The following NUBPL variants were observed in gnomAD, a reference collection of about 807,000 sequenced individuals.
The protein encoded by NUBPL is iron-sulfur cluster transfer protein NUBPL.
In NUBPL, 31 loss-of-function variants were observed where a neutral mutation model predicts 45.7. That is an observed-to-expected ratio of 0.68 (90% CI 0.51 to 0.92). The LOEUF is 0.92. NUBPL is among the 40% of genes least tolerant of loss of function. NUBPL has a pLI of 0.00. For missense variants in NUBPL, 401 were observed against 398.7 expected (o/e 1.01, Z -0.05); for synonymous variants, 144 against 140.9 (o/e 1.02, Z -0.15).
chr14:31,841,638 TTTAA>T (rs1315710066), intron 8 of NUBPL, among the ~76,000 whole-genome samples: 1 of 152,196 alleles, frequency 6.6e-6, no homozygotes, highest in Non-Finnish European at 1.5e-5. Context: ...TGTAGTCCAA[TTTAA>T]TTTAAATAAT....
intron 7 of NUBPL, among the ~76,000 whole-genome samples, chr14:31,822,254 G>T (rs1462068789): frequency 6.6e-6 from 1 of 151,898 alleles, no homozygotes; most frequent in Non-Finnish European, 1.5e-5. Context: ...TACATGATGT[G>T]GTTATTACAC....
At chr14:31,642,679 G>T (rs1163847099) in intron 4 of NUBPL, among the ~76,000 whole-genome samples, 3 of 151,896 alleles carry the variant, frequency 2.0e-5, no homozygotes, top group African/African-American at 7.3e-5. Context: ...GGCCTTTTGT[G>T]GTTCTGTATA....
At chr14:31,680,847 T>A (rs8008514) in intron 6 of NUBPL, among the ~76,000 whole-genome samples, 18,568 of 152,018 alleles carry the variant, frequency 0.12, 3,430 homozygotes, top group African/African-American at 0.4. Flanking sequence ...AACCATCCAA[T>A]TTTTTTTCTG....
chr14:31,702,922 G>T (rs1026799537), intron 6 of NUBPL, among the ~76,000 whole-genome samples: 1 of 152,050 alleles, frequency 6.6e-6, no homozygotes, highest in Non-Finnish European at 1.5e-5. Flanking sequence ...GCCCAATTTT[G>T]TACTACATAA....
At chr14:31,786,853 A>G (rs2039294099) in intron 6 of NUBPL, among the ~76,000 whole-genome samples, 1 of 152,204 alleles carries the variant, frequency 6.6e-6, no homozygotes, top group African/African-American at 2.4e-5. Context: ...GCAAGAGAAG[A>G]GTTTTAAACA....
At chr14:31,638,178 T>C (rs1566466029) in intron 4 of NUBPL, among the ~76,000 whole-genome samples, 1 of 152,338 alleles carries the variant, frequency 6.6e-6, no homozygotes, top group East Asian at 1.9e-4. Flanking sequence ...AATTTCTTCC[T>C]AGTCTCGATG....
chr14:31,748,144 C>A (rs564719714), intron 6 of NUBPL, among the ~76,000 whole-genome samples: 1 of 152,088 alleles, frequency 6.6e-6, no homozygotes, highest in South Asian at 2.1e-4. Flanking sequence ...TAGTTTTATT[C>A]CGTTGTGATC....
intron 6 of NUBPL, among the ~76,000 whole-genome samples, chr14:31,685,826 T>TA (rs1246930321): frequency 6.6e-6 from 1 of 152,204 alleles, no homozygotes; most frequent in African/African-American, 2.4e-5. Flanking sequence ...GCACAGTTTT[T>TA]AGTGTTCATG....
At chr14:31,562,045 T>TTTA (rs756690905) in intron 1 of NUBPL, 23 bp from the exon 2 acceptor site, 25 of 1,552,128 alleles carry the variant, frequency 1.6e-5, no homozygotes, top group Non-Finnish European at 2.2e-5. Context: ...AAAACGGCTT[T>TTTA]TTATTATTAT....
chr14:31,723,157 A>C (rs113946067), intron 6 of NUBPL, among the ~76,000 whole-genome samples: 4 of 152,212 alleles, frequency 2.6e-5, no homozygotes, highest in African/African-American at 9.6e-5. Context: ...AATCTTCTGC[A>C]TATGGCCAGC....
rs116497540 is a variant in NUBPL, at chr14:31,564,120, G to T, written c.257-894G>T. On this transcript the variant is annotated intron_variant, in intron 2 of 10. Coordinates refer to ENST00000281081, the MANE Select transcript of NUBPL (RefSeq NM_025152.3). ...ATACCATTGTTCTGTAAGGAAATGT[G>T]ATTCACATTATGAGCGCCTATTTGT... is the stretch of plus-strand genomic sequence containing the variant. Among the ~76,000 whole-genome samples the T allele has an allele frequency of 2.6e-3, 401 of 152,236 alleles. 2 individuals carry two copies. Among genetic ancestry groups the T allele is most frequent in the African/African-American group, 8.9e-3 (368 of 41,528 alleles).
At chr14:31,643,732 C>A (rs1326953078) in intron 4 of NUBPL, among the ~76,000 whole-genome samples, 1 of 151,944 alleles carries the variant, frequency 6.6e-6, no homozygotes, top group Non-Finnish European at 1.5e-5. Flanking sequence ...GGCATTACTT[C>A]TTTAAATTTT....
intron 4 of NUBPL, among the ~76,000 whole-genome samples, chr14:31,663,920 T>C (rs531510732): frequency 4.6e-5 from 7 of 152,258 alleles, no homozygotes; most frequent in Non-Finnish European, 1.0e-4. Flanking sequence ...CCTTGAACAG[T>C]GGTTTGTAGT....
Position 31,566,790 on chromosome 14 carries a change from G to A in NUBPL, c.291+1742G>A, listed in dbSNP as rs192847043. ...AAGATGGAGGTAGGTCCGAGTCAGA[G>A]TGACTTGATAAGAGAAGGATTCAAT... On this transcript the variant is annotated intron_variant, in intron 3 of 10. Coordinates refer to ENST00000281081, the MANE Select transcript of NUBPL (RefSeq NM_025152.3). Among the ~76,000 whole-genome samples the A allele has an allele frequency of 3.0e-3, 457 of 152,264 alleles. 2 individuals carry two copies. The highest frequency in any genetic ancestry group is 6.8e-3 in the Middle Eastern group (2 of 294).
intron 8 of NUBPL, among the ~76,000 whole-genome samples, chr14:31,835,771 A>G (rs1405205236): frequency 6.6e-6 from 1 of 150,602 alleles, no homozygotes; most frequent in African/African-American, 2.5e-5. Context: ...TCATTTTTAA[A>G]ACTTATAACA....
chr14:31,756,238 A>G (rs2038660148), intron 6 of NUBPL, among the ~76,000 whole-genome samples: 1 of 152,184 alleles, frequency 6.6e-6, no homozygotes. Flanking sequence ...TCTGTGAGGA[A>G]AGTCATTGGT....
intron 7 of NUBPL, among the ~76,000 whole-genome samples, chr14:31,814,324 A>C (rs1339260712): frequency 1.3e-5 from 2 of 152,120 alleles, no homozygotes; most frequent in Admixed American, 1.3e-4. Flanking sequence ...TGGCTGTATA[A>C]ATGTCTTCTT....
At chr14:31,706,015 G>A (rs1237307748) in intron 6 of NUBPL, among the ~76,000 whole-genome samples, 1 of 152,174 alleles carries the variant, frequency 6.6e-6, no homozygotes, top group Non-Finnish European at 1.5e-5. Context: ...GTCAGCTCTG[G>A]TCTTGGCCAG....
intron 6 of NUBPL, among the ~76,000 whole-genome samples, chr14:31,725,941 C>A (rs2037913832): frequency 6.6e-6 from 1 of 151,872 alleles, no homozygotes; most frequent in African/African-American, 2.4e-5. Flanking sequence ...AACTCCTGAC[C>A]TCAAATGATC....
Sources: allele counts gnomAD v4.1 joint callset (sites outside exome capture counted in the v4.1 genomes callset), GRCh38; gene constraint gnomAD v4.1.1; transcripts MANE v1.5; gene names NCBI Gene and HGNC (gene_info 2026-07-23, HGNC 2026-07-21).